Variants in OGG1 observed in about 807,000 individuals in gnomAD.
The protein encoded by OGG1 is N-glycosylase/DNA lyase.
A neutral mutation model predicts 42.3 loss-of-function variants in OGG1; 35 were observed. The ratio of observed to expected loss-of-function variants is 0.83; its 90% CI spans 0.63 to 1.10. The LOEUF (loss-of-function observed/expected upper bound fraction) is 1.10. OGG1 is among the 50% of genes least tolerant of loss of function. The pLI, the probability that OGG1 is intolerant of heterozygous loss-of-function variation, is 0.00. For missense variants in OGG1, 484 were observed against 446.7 expected (o/e 1.08, Z -0.75); for synonymous variants, 189 against 179.0 (o/e 1.06, Z -0.44).
intron 7 of OGG1, among the ~76,000 whole-genome samples, chr3:9,764,625 T>G (rs866141296): frequency 0.02 from 2,549 of 127,840 alleles, 78 homozygotes; most frequent in African/African-American, 0.074. Context: ...TTGTTTTTTT[T>G]TTGTTTTTTT....
intron 2 of OGG1, among the ~76,000 whole-genome samples, chr3:9,779,404 C>G (rs998066041): frequency 6.6e-6 from 1 of 152,132 alleles, no homozygotes; most frequent in Non-Finnish European, 1.5e-5. Flanking sequence ...GAGGAAGCAT[C>G]TGGCCCCAAC....
downstream of OGG1, chr3:9,789,755 G>C: frequency 6.2e-7 from 1 of 1,614,192 alleles, no homozygotes; most frequent in Non-Finnish European, 8.5e-7. Context: ...CACGTCGATA[G>C]GGTCATCAGT....
rs1036092358 is a variant in OGG1, at chr3:9,776,676, A to C, written c.295-4837A>C. On this transcript the variant is annotated intron_variant, in intron 2 of 3. Transcript: ENST00000426518. ...AGTGCTGGGATTACAGGCGTGAGCC[A>C]CCGTGCCCGGCCTGCAGTCTTCTTA... is the stretch of plus-strand genomic sequence containing the variant. Among the ~76,000 whole-genome samples, 165 of 152,138 alleles carry C rather than the reference A, an allele frequency of 1.1e-3. 1 individual carries two copies. Among genetic ancestry groups the C allele is most frequent in the Non-Finnish European group, 2.8e-4 (19 of 68,020 alleles).
chr3:9,787,951 G>C (rs1198371552), exon 4 of OGG1: 15 of 349,620 alleles, frequency 4.3e-5, no homozygotes, highest in Admixed American at 1.6e-4. Context: ...AGGCTGTGGT[G>C]TCCTGGAATG....
At chr3:9,771,249 T>C (rs2078293008), downstream of OGG1, among the ~76,000 whole-genome samples, 2 of 152,078 alleles carry the variant, frequency 1.3e-5, no homozygotes, top group Non-Finnish European at 2.9e-5. Flanking sequence ...GGTCTCAAAC[T>C]CCTGGGCTCA....
intron 3 of OGG1, among the ~76,000 whole-genome samples, chr3:9,754,017 T>C (rs1252531982): frequency 6.6e-6 from 1 of 152,140 alleles, no homozygotes; most frequent in Non-Finnish European, 1.5e-5. Context: ...CACAAGCCTG[T>C]AGTCTCAGCT....
chr3:9,780,233 C>G, intron 2 of OGG1: 1 of 1,040,882 alleles, frequency 9.6e-7, no homozygotes, highest in South Asian at 1.6e-5. Context: ...AGGGCCACGG[C>G]CCTCTAGAGA....
chr3:9,769,932 C>A (rs1225164794), downstream of OGG1: 4 of 152,246 alleles, frequency 2.6e-5, no homozygotes, highest in Non-Finnish European at 5.9e-5. Context: ...CACCCGCCCG[C>A]GCTCTTGCTG....
Position 9,754,760 on chromosome 3 carries a change from G to A in OGG1, c.622G>A (p.Val208Met), listed in dbSNP as rs140163963. Residue 208 changes from valine to methionine, a missense_variant, in exon 4 of 7, where the codon GTG becomes ATG. By Grantham distance (21) the Val-to-Met change is conservative. Coordinates refer to ENST00000344629, the MANE Select transcript of OGG1 (RefSeq NM_002542.6). Reference sequence around the variant, plus strand: ...GGGCCTGGGCTATCGTGCCCGTTACGTGAGTGCCAGTGCCCGAGCCATCCT... The same window carrying A: ...GGGCCTGGGCTATCGTGCCCGTTACATGAGTGCCAGTGCCCGAGCCATCCT... ...KLGLGYRARY[V>M]SASARAILEE... 12 of 1,614,060 alleles carry A rather than the reference G, an allele frequency of 7.4e-6. No individual in the cohort carries two copies. Among genetic ancestry groups the A allele is most frequent in the Middle Eastern group, 1.6e-4 (1 of 6,084 alleles).
chr3:9,751,162 C>T lies in OGG1; in HGVS notation c.355C>T (p.His119Tyr), dbSNP rs1408124662. 1.2e-6 allele frequency: 2 copies of T among 1,614,134 alleles called. No homozygotes were observed. Among genetic ancestry groups the T allele is most frequent in the Admixed American group, 1.7e-5 (1 of 60,018 alleles). ...TCACCACTGGGGTTCCGTGGACTCC[C>T]ACTTCCAAGAGGTGGCTCAGAAATT... Reference protein sequence around the residue: ...LYHHWGSVDSHFQEVAQKFQG... With the variant: ...LYHHWGSVDSYFQEVAQKFQG... Residue 119 changes from histidine (H) to tyrosine (Y), a missense_variant, in exon 2 of 7, where the codon CAC (histidine) becomes TAC (tyrosine). Physicochemically the swap from His to Tyr is moderately conservative, Grantham distance 83 (BLOSUM62 2). Transcript: ENST00000344629.
At chr3:9,785,330 C>T in intron 3 of OGG1, 1 of 1,613,938 alleles carries the variant, frequency 6.2e-7, no homozygotes, top group South Asian at 1.1e-5. Context: ...AGGGCTTGTT[C>T]TGATTGCGAG....
At chr3:9,782,624 G>A (rs6809452) in intron 3 of OGG1, among the ~76,000 whole-genome samples, 37,572 of 152,030 alleles carry the variant, frequency 0.25, 5,160 homozygotes, top group East Asian at 0.56. Flanking sequence ...CTAAGAGACA[G>A]TAAGAATGGC....
chr3:9,783,832 A>T, intron 3 of OGG1: 1 of 973,282 alleles, frequency 1.0e-6, no homozygotes, highest in Non-Finnish European at 1.4e-6. Context: ...CAGATGCCTG[A>T]GCCCCACTCT....
At chr3:9,766,925 CT>C (rs1365993111), downstream of OGG1, among the ~76,000 whole-genome samples, 2 of 152,148 alleles carry the variant, frequency 1.3e-5, no homozygotes, top group African/African-American at 4.8e-5. Flanking sequence ...AATATCCAGC[CT>C]CCCTGGCCTG....
intron 4 of OGG1, among the ~76,000 whole-genome samples, chr3:9,755,667 T>C (rs2077512369): frequency 6.6e-6 from 1 of 151,754 alleles, no homozygotes; most frequent in African/African-American, 2.4e-5. Context: ...TTTCACCATG[T>C]TGGGCCAGGA....
At position 9,757,034 on chromosome 3, in the gene OGG1, C is replaced by T; in HGVS notation, c.949-27C>T. 1.2e-6 allele frequency: 2 copies of T among 1,614,010 alleles called. No homozygotes were observed. The highest frequency in any genetic ancestry group is 1.7e-6 in the Non-Finnish European group (2 of 1,180,044). ...AGCCCTGACCCCAGTGTACCCTCCT[C>T]CCCACACAGACTCCACCCTCCTACA... On this transcript the variant is annotated intron_variant, in intron 6 of 6. Coordinates refer to ENST00000344629, the MANE Select transcript of OGG1 (RefSeq NM_002542.6). The surrounding 1 kb of genome is among the most constrained non-coding windows in gnomAD (Gnocchi z 4.5).
rs577310943 is a variant in OGG1 at position 9,787,512 on chromosome 3, C to G, written c.383-216C>G. On this transcript the variant is annotated intron_variant, in intron 3 of 3. Coordinates refer to the OGG1 transcript ENST00000426518. ...GAAGATAAAACCTGTACTTCACACT[C>G]TAGTAAGGGAGACAGGTCCAAAAAG... 2.3e-5 allele frequency: 24 copies of G among 1,046,072 alleles called. No homozygotes were observed. In the South Asian group the frequency reaches 3.7e-4, roughly 16 times the overall value. The allele number at this position is 1,046,072 out of a possible 1,614,324, so 64.8% of individuals were successfully genotyped here.
chr3:9,786,141 A>G (rs1173301334), intron 3 of OGG1, among the ~76,000 whole-genome samples: 2 of 151,842 alleles, frequency 1.3e-5, no homozygotes, highest in Non-Finnish European at 2.9e-5. Context: ...GGGTTTCATC[A>G]TGTTAGCCAG....
At chr3:9,765,579 A>G (rs960519742) in intron 7 of OGG1, among the ~76,000 whole-genome samples, 1 of 152,164 alleles carries the variant, frequency 6.6e-6, no homozygotes, top group Non-Finnish European at 1.5e-5. Flanking sequence ...CAGGCACTTG[A>G]AATAAAGGAC....
Sources: gnomAD v4.1 joint callset for allele counts (sites outside exome capture counted in the v4.1 genomes callset) on GRCh38, gnomAD v4.1.1 for gene constraint, Gnocchi (gnomAD v3.1) non-coding constraint, MANE v1.5 for transcripts, NCBI Gene and HGNC (gene_info 2026-07-23, HGNC 2026-07-21) for gene names.